EPB41L1: variants seen among roughly 807,000 people sequenced by gnomAD.
EPB41L1 encodes the protein erythrocyte membrane protein band 4.1 like 1, also known as band 4.1-like protein 1.
In EPB41L1, 29 loss-of-function variants were observed where a neutral mutation model predicts 97.8. The ratio of observed to expected loss-of-function variants is 0.30; its 90% confidence interval spans 0.22 to 0.40. The LOEUF is 0.40. EPB41L1 is among the 10% of genes least tolerant of loss of function. The pLI is 1.00. For missense variants in EPB41L1, 812 were observed against 1,162.3 expected (o/e 0.70, Z 4.38); for synonymous variants, 383 against 459.2 (o/e 0.83, Z 2.12).
At chr20:36,098,609 C>T (rs1220559870) in intron 1 of EPB41L1, among the ~76,000 whole-genome samples, 4 of 152,134 alleles carry the variant, frequency 2.6e-5, no homozygotes, top group Non-Finnish European at 5.9e-5. Flanking sequence ...TAGAACCCAC[C>T]CTAGTCCAGT....
intron 2 of EPB41L1, among the ~76,000 whole-genome samples, chr20:36,136,097 T>C (rs985581325): frequency 1.3e-5 from 2 of 152,186 alleles, no homozygotes; most frequent in Non-Finnish European, 2.9e-5. Flanking sequence ...ACTTTCTTGT[T>C]TGGTTTTCTT....
chr20:36,162,403 G>T (rs1600679794), intron 1 of EPB41L1, among the ~76,000 whole-genome samples: 1 of 152,368 alleles, frequency 6.6e-6, no homozygotes, highest in East Asian at 1.9e-4. Context: ...AGCATTGAGT[G>T]GGGAGAGCAC....
chr20:36,203,191 A>G (rs1044322612), intron 14 of EPB41L1, among the ~76,000 whole-genome samples: 2 of 152,170 alleles, frequency 1.3e-5, no homozygotes, highest in Non-Finnish European at 1.5e-5. Context: ...CGCACCGTGG[A>G]AGTTTTTTTC....
chr20:36,208,816 G>C (rs758979058), intron 14 of EPB41L1, among the ~76,000 whole-genome samples: 7 of 152,108 alleles, frequency 4.6e-5, no homozygotes, highest in Non-Finnish European at 8.8e-5. Context: ...TACACTGATG[G>C]GACCAGAGCC....
chr20:36,209,723 A>C lies in EPB41L1; in HGVS notation c.1904A>C (p.Asp635Ala). 6.2e-7 allele frequency: 1 copy of C among 1,614,052 alleles called. No individual in the cohort carries two copies. The highest frequency in any genetic ancestry group is 8.5e-7 in the Non-Finnish European group (1 of 1,180,018). The change falls in exon 15 of 22, where the codon GAC (aspartate) becomes GCC (alanine). Residue 635 changes from aspartate to alanine, a missense_variant. Physicochemically the swap from Asp to Ala is moderately radical, Grantham distance 126. This residue lies in a region of EPB41L1 where 498 missense variants were observed against 622.7 expected (regional missense o/e 0.80). Coordinates refer to ENST00000338074, the MANE Select transcript of EPB41L1 (RefSeq NM_012156.2). This position sits in a 1 kb window ranked among gnomAD's most constrained non-coding sequence, Gnocchi z 4.2. ...GACTACCATGGCAGCGCCTTCGAAG[A>C]CTTCTCCCGCAGCCTGCCTGAGCTC... The part of the protein sequence containing the change: ...IGDYHGSAFE[D>A]FSRSLPELDR...
At chr20:36,228,201 C>T (rs1390207474) in intron 21 of EPB41L1, among the ~76,000 whole-genome samples, 1 of 152,214 alleles carries the variant, frequency 6.6e-6, no homozygotes, top group Non-Finnish European at 1.5e-5. Flanking sequence ...CAGTGTTGAA[C>T]ACTGGAAAGA....
chr20:36,177,874 C>A, intron 3 of EPB41L1, 78 bp from the exon 4 acceptor site: 2 of 1,189,900 alleles, frequency 1.7e-6, no homozygotes, highest in Non-Finnish European at 1.2e-6. Flanking sequence ...TTGAATTGTC[C>A]TGGTGGAGCC....
At chr20:36,189,886 G>A (rs983855507) in intron 9 of EPB41L1, among the ~76,000 whole-genome samples, 2 of 152,132 alleles carry the variant, frequency 1.3e-5, no homozygotes, top group Non-Finnish European at 2.9e-5. Flanking sequence ...GGCCAAAGTC[G>A]CAGATGCCTG....
intron 6 of EPB41L1, among the ~76,000 whole-genome samples, chr20:36,184,084 A>G (rs1298251485): frequency 6.6e-6 from 1 of 152,088 alleles, no homozygotes; most frequent in Non-Finnish European, 1.5e-5. Flanking sequence ...AAAATACAAA[A>G]ATTAGCTGGG....
intron 1 of EPB41L1, among the ~76,000 whole-genome samples, chr20:36,162,145 C>T (rs1448465799): frequency 6.6e-6 from 1 of 152,226 alleles, no homozygotes; most frequent in Non-Finnish European, 1.5e-5. Flanking sequence ...TGCCCAAGGT[C>T]ACCAAGCCTG....
At chr20:36,119,345 G>A (rs1055222471) in intron 2 of EPB41L1, among the ~76,000 whole-genome samples, 3 of 152,182 alleles carry the variant, frequency 2.0e-5, no homozygotes, top group African/African-American at 4.8e-5. Flanking sequence ...GCTCACGCCT[G>A]TAATCCCAGC....
At chr20:36,143,899 C>T (rs889840972) in intron 2 of EPB41L1, among the ~76,000 whole-genome samples, 2 of 151,812 alleles carry the variant, frequency 1.3e-5, no homozygotes, top group African/African-American at 4.8e-5. Context: ...GTTGCCCAGG[C>T]TGGAGTGCAG....
Position 36,173,829 on chromosome 20 carries a change from GCCC to G in EPB41L1, c.54_56del (p.Pro19del). 6.2e-7 allele frequency: 1 copy of G among 1,613,948 alleles called. No homozygotes were observed. The highest frequency in any genetic ancestry group is 8.5e-7 in the Non-Finnish European group (1 of 1,179,928). On this transcript the variant is annotated inframe_deletion, in exon 2 of 22. Transcript: ENST00000338074. ...TGAGGTGAAGAAAGCTCAGGAGGAGGCCCCGCAGCAGCCCGAGGCTGCTGCCGC... is the reference window on the plus strand; with the variant it reads ...TGAGGTGAAGAAAGCTCAGGAGGAGGCGCAGCAGCCCGAGGCTGCTGCCGC...
chr20:36,114,851 G>A (rs1175964085), intron 2 of EPB41L1, among the ~76,000 whole-genome samples: 1 of 152,054 alleles, frequency 6.6e-6, no homozygotes, highest in African/African-American at 2.4e-5. Flanking sequence ...GCCAGGTGTG[G>A]GTCAGGTGCC....
upstream of EPB41L1, chr20:36,151,443 A>G (rs2060044748): frequency 6.6e-6 from 1 of 152,164 alleles, no homozygotes; most frequent in Non-Finnish European, 1.5e-5. Context: ...AAGTAATACA[A>G]AAAGAAATGG....
At chr20:36,194,442 A>G (rs1007852630) in intron 12 of EPB41L1, 82 bp downstream of exon 12, 3 of 1,524,494 alleles carry the variant, frequency 2.0e-6, no homozygotes, top group Non-Finnish European at 1.8e-6. Flanking sequence ...TGACCTTCAC[A>G]TGCCTCCAGC....
chr20:36,136,610 G>T (rs575863160), intron 2 of EPB41L1, among the ~76,000 whole-genome samples: 6 of 149,334 alleles, frequency 4.0e-5, no homozygotes, highest in African/African-American at 9.9e-5. Context: ...TTTAGAGATG[G>T]TGTCTCGCTC....
At chr20:36,217,443 C>T (rs1032332091) in intron 17 of EPB41L1, among the ~76,000 whole-genome samples, 7 of 152,208 alleles carry the variant, frequency 4.6e-5, no homozygotes, top group Non-Finnish European at 7.4e-5. Flanking sequence ...AGGCAGGTGA[C>T]GGGACTGGCC....
intron 7 of EPB41L1, among the ~76,000 whole-genome samples, chr20:36,186,531 G>A (rs192701855): frequency 7.2e-5 from 11 of 152,170 alleles, no homozygotes; most frequent in Admixed American, 2.0e-4. Context: ...TCTGAGAGTC[G>A]CACACTAACT....
Sources: allele counts gnomAD v4.1 joint callset (sites outside exome capture counted in the v4.1 genomes callset), GRCh38; gene constraint gnomAD v4.1.1; regional missense constraint gnomAD v4.1.1; non-coding constraint Gnocchi (gnomAD v3.1); transcripts MANE v1.5; gene names NCBI Gene and HGNC (gene_info 2026-07-23, HGNC 2026-07-21).